The following MARCO variants were observed in gnomAD, a reference collection of about 807,000 sequenced individuals.
MARCO encodes macrophage receptor MARCO.
In MARCO, 72 loss-of-function variants were observed where a neutral mutation model predicts 70.0. That is an observed-to-expected ratio of 1.03 (90% CI 0.85 to 1.25). The LOEUF is 1.25. Ranked by LOEUF, MARCO falls within the 50% of genes most tolerant of loss-of-function variation. The probability of loss-of-function intolerance (pLI) is 0.00; values close to 1 mark genes in which losing one functional copy is unlikely to be tolerated. For synonymous variants in MARCO, 273 were observed against 243.1 expected, an observed-to-expected ratio of 1.12 and a Z score of -1.14; for missense variants, 696 against 659.3, an observed-to-expected ratio of 1.06 and a Z score of -0.61.
chr2:118,979,450 T>C (rs752055045), intron 8 of MARCO, among the ~76,000 whole-genome samples: 10 of 152,278 alleles, frequency 6.6e-5, no homozygotes, highest in Middle Eastern at 6.8e-3. Flanking sequence ...GTTGGGTGGT[T>C]GACCTCTGAG....
chr2:118,972,004 G>A (rs370941075), intron 4 of MARCO, among the ~76,000 whole-genome samples: 4 of 152,206 alleles, frequency 2.6e-5, no homozygotes, highest in South Asian at 2.1e-4. Flanking sequence ...CGGTCAGGCC[G>A]ATCTGAGTTC....
At chr2:118,970,480 C>T (rs1680145239) in intron 3 of MARCO, 142 bp downstream of exon 3, 3 of 646,596 alleles carry the variant, frequency 4.6e-6, no homozygotes, top group South Asian at 1.8e-5. Context: ...AGCTCAATGC[C>T]AAGTCTGAAC....
At chr2:118,960,404 G>A (rs1218301391) in intron 1 of MARCO, among the ~76,000 whole-genome samples, 1 of 152,082 alleles carries the variant, frequency 6.6e-6, no homozygotes, top group Non-Finnish European at 1.5e-5. Flanking sequence ...ATAGTTTGTA[G>A]ATGCAGTTTT....
At chr2:118,990,749 G>GT in intron 13 of MARCO, 116 bp downstream of exon 13, 3 of 1,001,200 alleles carry the variant, frequency 3.0e-6, no homozygotes, top group Non-Finnish European at 4.7e-6. Flanking sequence ...CCAAAGTGGA[G>GT]GTTAAGACTC....
intron 6 of MARCO, among the ~76,000 whole-genome samples, chr2:118,976,242 T>C (rs1680281491): frequency 6.6e-6 from 1 of 152,172 alleles, no homozygotes; most frequent in African/African-American, 2.4e-5. Flanking sequence ...AACCCCTTTT[T>C]CAGCCCAAAT....
chr2:118,945,997 C>A (rs1349700564), intron 1 of MARCO, among the ~76,000 whole-genome samples: 2 of 152,142 alleles, frequency 1.3e-5, no homozygotes, highest in Non-Finnish European at 2.9e-5. Context: ...TATTTCATGT[C>A]ATTGTTCTGA....
At chr2:118,967,677 G>A (rs568602050) in intron 1 of MARCO, among the ~76,000 whole-genome samples, 1 of 152,248 alleles carries the variant, frequency 6.6e-6, no homozygotes, top group South Asian at 2.1e-4. Context: ...TTGTTCATCT[G>A]GGCATTTCTC....
At chr2:118,946,265 G>A (rs1203550174) in intron 1 of MARCO, among the ~76,000 whole-genome samples, 5 of 152,008 alleles carry the variant, frequency 3.3e-5, no homozygotes, top group Admixed American at 1.3e-4. Flanking sequence ...ACATGCACTC[G>A]TCTCTGTGTA....
chr2:118,992,385 C>A, intron 14 of MARCO, 47 bp from the exon 15 acceptor site: 2 of 1,569,296 alleles, frequency 1.3e-6, no homozygotes, highest in African/African-American at 1.3e-5. Context: ...GCAAAGGCGT[C>A]CTGCCTGGGT....
At chr2:118,970,719 G>A (rs1019415801) in intron 3 of MARCO, among the ~76,000 whole-genome samples, 6 of 152,194 alleles carry the variant, frequency 3.9e-5, no homozygotes, top group Admixed American at 3.9e-4. Context: ...CTGCAGGCTG[G>A]GGAAAATTGA....
chr2:118,971,926 G>T (rs966762642), intron 4 of MARCO, among the ~76,000 whole-genome samples: 1 of 152,172 alleles, frequency 6.6e-6, no homozygotes, highest in African/African-American at 2.4e-5. Flanking sequence ...CATTTCCATG[G>T]TGTCTCACTC....
chr2:118,958,984 A>G (rs1679888924), intron 1 of MARCO, among the ~76,000 whole-genome samples: 2 of 152,168 alleles, frequency 1.3e-5, no homozygotes, highest in Admixed American at 6.5e-5. Context: ...ACAAAAATCA[A>G]CTCAAGATGG....
At position 118,993,147 on chromosome 2, in the gene MARCO, A is replaced by C. The variant is rs763491799; in HGVS notation, c.1276A>C (p.Ile426Leu). The C allele has an allele frequency of 1.2e-6, 2 of 1,614,196 alleles. No homozygotes were observed. The highest frequency in any genetic ancestry group is 1.7e-6 in the Non-Finnish European group (2 of 1,180,034). ...AGGTGAAAACTCAGTGTCCGTCAGG[A>C]TTGTCGGCAGTAGTAACCGAGGCCG... is the stretch of plus-strand genomic sequence containing the variant. ...ERGENSVSVR[I>L]VGSSNRGRAE... is the part of the protein sequence containing the mutation. Residue 426 changes from isoleucine to leucine, a missense_variant, in exon 16 of 17, where the codon ATT (isoleucine) becomes CTT (leucine). Around this residue, in one of 3 missense-constraint regions of MARCO, gnomAD observed 605 missense variants for 537.6 expected, o/e 1.13. Transcript: ENST00000327097.
chr2:118,950,478 T>C (rs1679700784), intron 1 of MARCO, among the ~76,000 whole-genome samples: 1 of 152,230 alleles, frequency 6.6e-6, no homozygotes, highest in Non-Finnish European at 1.5e-5. Flanking sequence ...CCTTTTAATG[T>C]AGGTAGAAAT....
At chr2:118,982,074 C>A in intron 10 of MARCO, 82 bp from the exon 11 acceptor site, 2 of 941,798 alleles carry the variant, frequency 2.1e-6, no homozygotes, top group Non-Finnish European at 3.3e-6. Context: ...TGTCTCACTG[C>A]TGAAAACAGA....
intron 3 of MARCO, among the ~76,000 whole-genome samples, chr2:118,971,001 G>C (rs908257262): frequency 1.3e-5 from 2 of 152,178 alleles, no homozygotes; most frequent in African/African-American, 4.8e-5. Flanking sequence ...CAAGGGGTAC[G>C]CCCAGCACGG....
intron 4 of MARCO, among the ~76,000 whole-genome samples, 178 bp from the exon 5 acceptor site, chr2:118,974,155 T>G (rs974953679): frequency 6.6e-6 from 1 of 152,190 alleles, no homozygotes; most frequent in Non-Finnish European, 1.5e-5. Context: ...CTCTTTTGCT[T>G]TCTAGGCCAT....
rs2104578206 is a variant in MARCO, at chr2:118,970,313, G to T, written c.399G>T (p.Arg133=). ...TCAGCCATGAGCACTTGCTGCAGCG[G>T]GTAGACAACTTCACTCAGAACCCAG... ...VRVSHEHLLQ[R]VDNFTQNPGM... Residue 133 remains arginine, a synonymous_variant, in exon 3 of 17, where the codon CGG becomes CGT. Transcript: ENST00000327097. 1.9e-6 allele frequency: 3 copies of T among 1,613,498 alleles called. No homozygotes were observed. Among genetic ancestry groups the T allele is most frequent in the East Asian group, 4.5e-5 (2 of 44,808 alleles).
chr2:118,969,977 C>T (rs1025759863), intron 2 of MARCO, 137 bp from the exon 3 acceptor site: 18 of 733,586 alleles, frequency 2.5e-5, no homozygotes, highest in South Asian at 2.0e-4. Context: ...CGTGTGCTCA[C>T]GCTAGGTCCT....
Sources: allele counts gnomAD v4.1 joint callset (sites outside exome capture counted in the v4.1 genomes callset), GRCh38; gene constraint gnomAD v4.1.1; regional missense constraint gnomAD v4.1.1; transcripts MANE v1.5; gene names NCBI Gene and HGNC (gene_info 2026-07-23, HGNC 2026-07-21).